The following BRD8 variants were observed in gnomAD, a reference collection of about 807,000 sequenced individuals.
The protein encoded by BRD8 is bromodomain containing 8, also known as bromodomain-containing protein 8.
In BRD8, 67 loss-of-function variants were observed where a neutral mutation model predicts 143.1. That is an observed-to-expected ratio of 0.47 (90% CI 0.38 to 0.57). BRD8 has a LOEUF of 0.57. Ranked by LOEUF, BRD8 falls within the 20% of genes least tolerant of loss-of-function variation. The pLI is 0.00. For synonymous variants in BRD8, 505 were observed against 517.1 expected (o/e 0.98, Z 0.32); for missense variants, 1,103 against 1,503.0 (o/e 0.73, Z 4.40).
chr5:138,169,964 A>G (rs1347975098), intron 7 of BRD8, among the ~76,000 whole-genome samples: 4 of 152,222 alleles, frequency 2.6e-5, no homozygotes, highest in Non-Finnish European at 5.9e-5. Flanking sequence ...CGCCTGGGGG[A>G]AAAACAAAAA....
intron 16 of BRD8, 23 bp downstream of exon 16, chr5:138,162,031 A>G (rs1280985169): frequency 6.2e-7 from 1 of 1,600,726 alleles, no homozygotes; most frequent in Non-Finnish European, 8.5e-7. Flanking sequence ...AAATGAACCT[A>G]CTGACTGGTA....
At position 138,164,830 on chromosome 5, in the gene BRD8, G is replaced by C; in HGVS notation, c.1615C>G (p.Leu539Val). The C allele has an allele frequency of 6.2e-7, 1 of 1,614,198 alleles. No individual in the cohort carries two copies. Among genetic ancestry groups the C allele is most frequent in the East Asian group, 2.2e-5 (1 of 44,882 alleles). Residue 539 changes from leucine to valine, a missense_variant, in exon 12 of 27, where the codon CTC becomes GTC. By Grantham distance (32) the Leu-to-Val change is conservative (BLOSUM62 1). Coordinates refer to ENST00000254900, the MANE Select transcript of BRD8 (RefSeq NM_139199.2). ...VPATSMEPPE[L>V]RSQDLDEELG... ...TCCTCATCTAAGTCCTGACTCCTGA[G>C]TTCTGGTGGCTCCATACTTGTGGCT...
In BRD8 at chr5:138,164,899, C is replaced by A; in HGVS notation, c.1546G>T (p.Glu516Ter). The A allele has an allele frequency of 6.2e-7, 1 of 1,614,196 alleles. No individual in the cohort carries two copies. Among genetic ancestry groups the A allele is most frequent in the East Asian group, 2.2e-5 (1 of 44,884 alleles). Residue 516 changes from glutamate to a stop codon, truncating the protein, a stop_gained, in exon 12 of 27, where the codon GAG (glutamate) becomes TAG (stop). Transcript: ENST00000254900. LOFTEE classifies it high-confidence loss of function. ...AEIKVEPAEP[E>*]PVISGAEIVA... ...ATTTCGGCTCCTGAAATGACTGGCTCTGGTTCTGCAGGTTCCACCTTGATC... is the reference window on the plus strand; with the variant it reads ...ATTTCGGCTCCTGAAATGACTGGCTATGGTTCTGCAGGTTCCACCTTGATC...
chr5:138,172,122 GCTAA>G lies in BRD8; in HGVS notation c.125_128del (p.Val42AlafsTer30). 1 of 1,613,094 alleles carries G rather than the reference GCTAA, an allele frequency of 6.2e-7. No homozygotes were observed. Among genetic ancestry groups the G allele is most frequent in the Non-Finnish European group, 8.5e-7 (1 of 1,179,550 alleles). On this transcript the variant is annotated frameshift_variant, in exon 3 of 27. Coordinates refer to ENST00000254900, the MANE Select transcript of BRD8 (RefSeq NM_139199.2). LOFTEE classifies it high-confidence loss of function. Reference sequence around the variant, plus strand: ...GTTCTGCAAAGGGCTTGATTGCTCTGCTAACTGATACCCTACAAAATGAGGAAAG... The same window carrying G: ...GTTCTGCAAAGGGCTTGATTGCTCTGCTGATACCCTACAAAATGAGGAAAG...
chr5:138,170,776 AG>A, intron 6 of BRD8, 55 bp downstream of exon 6: 1 of 1,457,774 alleles, frequency 6.9e-7, no homozygotes, highest in Non-Finnish European at 9.6e-7. Flanking sequence ...AGATTACTTG[AG>A]GGGAAAAGAG....
At position 138,168,533 on chromosome 5, in the gene BRD8, G is replaced by C. The variant is rs142715813; in HGVS notation, c.643-455C>G. Reference sequence around the variant, plus strand: ...AGAGCTCTGACAGCAGAGGGGAGGGGGGTGGAGTTGCTTTCTGTCCAAGCA... The same window carrying C: ...AGAGCTCTGACAGCAGAGGGGAGGGCGGTGGAGTTGCTTTCTGTCCAAGCA... On this transcript the variant is annotated intron_variant, in intron 8 of 26. Coordinates refer to ENST00000254900, the MANE Select transcript of BRD8 (RefSeq NM_139199.2). 3.7e-6 allele frequency: 6 copies of C among 1,609,400 alleles called. No homozygotes were observed. In the Admixed American group the frequency reaches 6.9e-5, roughly 18 times the overall value.
rs138310985 is a variant in BRD8 at position 138,142,647 on chromosome 5, C to T, written c.3438-1765G>A. Reference sequence around the variant, plus strand: ...GCGTGGTGACGTGTGCCTGTGGTTCCAGCTACTCAGGAGGCTGAGGCAGGA... The same window carrying T: ...GCGTGGTGACGTGTGCCTGTGGTTCTAGCTACTCAGGAGGCTGAGGCAGGA... On this transcript the variant is annotated intron_variant, in intron 25 of 26. Transcript: ENST00000254900. 3.2e-3 allele frequency among the ~76,000 whole-genome samples: 479 copies of T among 151,532 alleles called. 6 individuals carry two copies. Among genetic ancestry groups the T allele is most frequent in the Middle Eastern group, 0.014 (4 of 294 alleles).
At chr5:138,158,046 A>G (rs961015682) in intron 20 of BRD8, among the ~76,000 whole-genome samples, 2 of 152,234 alleles carry the variant, frequency 1.3e-5, no homozygotes, top group African/African-American at 2.4e-5. Flanking sequence ...GTCCATGAAC[A>G]TAAGTTGCCC....
rs776676825 is a variant in BRD8 at position 138,161,781 on chromosome 5, T to C, written c.2249+15A>G. 1.9e-6 allele frequency: 3 copies of C among 1,609,594 alleles called. No individual in the cohort carries two copies. The highest frequency in any genetic ancestry group is 2.5e-6 in the Non-Finnish European group (3 of 1,176,846). On this transcript the variant is annotated intron_variant, in intron 17 of 26. Coordinates refer to ENST00000254900, the MANE Select transcript of BRD8 (RefSeq NM_139199.2). ...AATTCAGGCAAGTTACCATGCTGGGTGGACCATGGCTCACCTCTGCACAAT... is the reference window on the plus strand; with the variant it reads ...AATTCAGGCAAGTTACCATGCTGGGCGGACCATGGCTCACCTCTGCACAAT...
intron 2 of BRD8, among the ~76,000 whole-genome samples, chr5:138,176,137 GATT>G (rs1754315850): frequency 6.6e-6 from 1 of 151,736 alleles, no homozygotes; most frequent in African/African-American, 2.4e-5. Context: ...TCATACAACA[GATT>G]ATTATTCAGC....
At chr5:138,148,050 G>A (rs923612548) in intron 23 of BRD8, among the ~76,000 whole-genome samples, 3 of 151,266 alleles carry the variant, frequency 2.0e-5, no homozygotes, top group African/African-American at 7.3e-5. Context: ...TGAGACAATT[G>A]CATAAACCAG....
chr5:138,174,520 TG>T (rs1311959163), intron 2 of BRD8, among the ~76,000 whole-genome samples: 2 of 149,886 alleles, frequency 1.3e-5, no homozygotes, highest in Non-Finnish European at 3.0e-5. Flanking sequence ...CACTTGAACC[TG>T]GGAAGCAGAG....
In BRD8 at chr5:138,165,067, C is replaced by T. The variant is rs377582214; in HGVS notation, c.1378G>A (p.Glu460Lys). 6.2e-7 allele frequency: 1 copy of T among 1,614,078 alleles called. No individual in the cohort carries two copies. Among genetic ancestry groups the T allele is most frequent in the Non-Finnish European group, 8.5e-7 (1 of 1,180,006 alleles). The change falls in exon 12 of 27, where the codon GAG (glutamate) becomes AAG (lysine). Residue 460 changes from glutamate to lysine, a missense_variant. Glu to Lys is a moderately conservative substitution (Grantham distance 56). Coordinates refer to ENST00000254900, the MANE Select transcript of BRD8 (RefSeq NM_139199.2). Reference sequence around the variant, plus strand: ...TCCCGCTCCTGCTGGATAGGATGCTCCCAGGGGCCAGGCAGGGACTGAGGA... The same window carrying T: ...TCCCGCTCCTGCTGGATAGGATGCTTCCAGGGGCCAGGCAGGGACTGAGGA... ...DDPQSLPGPW[E>K]HPIQQERDKP... is the part of the protein sequence containing the mutation.
At chr5:138,166,470 TAAAGCTCAA>T (rs1211856605) in intron 10 of BRD8, 39 bp downstream of exon 10, 1 of 1,325,582 alleles carries the variant, frequency 7.5e-7, no homozygotes, top group Non-Finnish European at 1.0e-6. Context: ...TTTCTCTAAC[TAAAGCTCAA>T]AATGAAATTT....
rs760855033 is a variant in BRD8, at chr5:138,162,178, AC to A, written c.2088-33del. On this transcript the variant is annotated intron_variant, in intron 15 of 26. Transcript: ENST00000254900. ...CAGAGATACAGCAATTCCACTAGGC[AC>A]AAGTTAAAAAATAAAAATTATAATT... 2.7e-6 allele frequency: 4 copies of A among 1,485,898 alleles called. No individual in the cohort carries two copies. The African/African-American group carries it at 5.7e-5, about 21-fold the overall frequency. The allele number at this position is 1,485,898 out of a possible 1,614,324, so 92.0% of individuals were successfully genotyped here. A position where few individuals can be genotyped will look rare whatever the true frequency, so the allele number is the denominator to read the frequency against.
At chr5:138,169,915 C>T (rs956562795) in intron 7 of BRD8, among the ~76,000 whole-genome samples, 2 of 152,204 alleles carry the variant, frequency 1.3e-5, no homozygotes, top group Admixed American at 1.3e-4. Flanking sequence ...CCCAAGATCG[C>T]GCCACTGCAC....
At chr5:138,169,481 G>T in intron 7 of BRD8, 123 bp from the exon 8 acceptor site, 2 of 1,175,626 alleles carry the variant, frequency 1.7e-6, no homozygotes, top group Non-Finnish European at 2.3e-6. Context: ...AGCATAATAA[G>T]TTTGGATTAG....
At chr5:138,171,296 C>T (rs1753847047) in intron 4 of BRD8, 65 bp downstream of exon 4, 1 of 1,441,940 alleles carries the variant, frequency 6.9e-7, no homozygotes, top group Non-Finnish European at 9.7e-7. Flanking sequence ...AAGTATAAAC[C>T]AGAATTCCTC....
Position 138,164,845 on chromosome 5 carries a change from T to C in BRD8, c.1600A>G (p.Met534Val), listed in dbSNP as rs1445633183. The C allele has an allele frequency of 1.9e-6, 3 of 1,614,124 alleles. No individual in the cohort carries two copies. Among genetic ancestry groups the C allele is most frequent in the East Asian group, 2.2e-5 (1 of 44,902 alleles). The change falls in exon 12 of 27, where the codon ATG becomes GTG. Residue 534 changes from methionine to valine, a missense_variant. This residue lies in a region of BRD8 where 139 missense variants were observed against 139.0 expected (regional missense o/e 1.00). Transcript: ENST00000254900. ...IVAGVVPATSMEPPELRSQDL... is the reference protein window; with the variant it reads ...IVAGVVPATSVEPPELRSQDL... ...TGACTCCTGAGTTCTGGTGGCTCCA[T>C]ACTTGTGGCTGGAACAACTCCAGCT...
Sources: gnomAD v4.1 joint callset for allele counts (sites outside exome capture counted in the v4.1 genomes callset) on GRCh38, gnomAD v4.1.1 for gene constraint, gnomAD v4.1.1 regional missense constraint, MANE v1.5 for transcripts, NCBI Gene and HGNC (gene_info 2026-07-23, HGNC 2026-07-21) for gene names.